SKIC3: variants seen among roughly 807,000 people sequenced by gnomAD.
SKIC3 encodes the protein superkiller complex protein 3.
chr5:95,522,858 G>A, the SKIC3 span, among the ~76,000 whole-genome samples: 1 of 152,068 alleles, frequency 6.6e-6, no homozygotes, highest in Non-Finnish European at 1.5e-5. Context: ...TGCTCCCAAT[G>A]CCCTTTAAGC....
chr5:95,495,212 T>C, the SKIC3 span: 4 of 575,334 alleles, frequency 7.0e-6, no homozygotes, highest in Middle Eastern at 1.4e-3. Flanking sequence ...AAAGGAAATC[T>C]TTTCTACTGT....
At chr5:95,479,756 T>G in the SKIC3 span, among the ~76,000 whole-genome samples, 5 of 151,416 alleles carry the variant, frequency 3.3e-5, no homozygotes, top group Non-Finnish European at 7.4e-5. Context: ...CTACTAAGGG[T>G]GTTGGGACAT....
chr5:95,478,200 T>C, the SKIC3 span: 2 of 1,455,784 alleles, frequency 1.4e-6, no homozygotes, highest in South Asian at 2.5e-5. Context: ...CAACAGGACT[T>C]CAATTGAATA....
At chr5:95,550,797 TA>T in the SKIC3 span, 4 of 152,372 alleles carry the variant, frequency 2.6e-5, no homozygotes, top group African/African-American at 9.7e-5. Context: ...TTAGTATTTT[TA>T]TTCTTTCCCA....
chr5:95,517,312 G>A, the SKIC3 span: 540 of 1,612,742 alleles, frequency 3.3e-4, 1 homozygote, highest in South Asian at 4.9e-4. Context: ...TCAGCTCGAT[G>A]CTGTAGAGCA....
At chr5:95,539,843 C>CAAAAAAAAAAAAAAAAAAA in the SKIC3 span, among the ~76,000 whole-genome samples, 2 of 107,684 alleles carry the variant, frequency 1.9e-5, no homozygotes, top group African/African-American at 3.6e-5. Flanking sequence ...CACTCTGCCT[C>CAAAAAAAAAAAAAAAAAAA]AAAAAAAAAA....
the SKIC3 span, among the ~76,000 whole-genome samples, chr5:95,539,187 C>T: frequency 6.6e-6 from 1 of 152,018 alleles, no homozygotes; most frequent in African/African-American, 2.4e-5. Context: ...CATTGAATGT[C>T]CTATTTCCAA....
the SKIC3 span, among the ~76,000 whole-genome samples, chr5:95,466,540 G>A: frequency 6.6e-6 from 1 of 152,170 alleles, no homozygotes; most frequent in Non-Finnish European, 1.5e-5. Flanking sequence ...CTCTGAAGAT[G>A]AGAAACTCTG....
the SKIC3 span, among the ~76,000 whole-genome samples, chr5:95,489,095 C>A: frequency 6.6e-6 from 1 of 152,086 alleles, no homozygotes; most frequent in Non-Finnish European, 1.5e-5. Flanking sequence ...AACAGGAGGA[C>A]TGCTTGAGCC....
At chr5:95,512,144 T>G in the SKIC3 span, among the ~76,000 whole-genome samples, 1 of 152,152 alleles carries the variant, frequency 6.6e-6, no homozygotes, top group Non-Finnish European at 1.5e-5. Context: ...ACACTTGGCC[T>G]AAGACTGCAG....
chr5:95,519,274 T>C, the SKIC3 span, among the ~76,000 whole-genome samples: 2 of 152,006 alleles, frequency 1.3e-5, no homozygotes, highest in African/African-American at 2.4e-5. Context: ...CGAGATCTTA[T>C]AAATAACACA....
chr5:95,521,906 A>C, the SKIC3 span: 1 of 883,642 alleles, frequency 1.1e-6, no homozygotes, highest in Non-Finnish European at 1.7e-6. Flanking sequence ...AATTTATATA[A>C]GCTATACTGT....
the SKIC3 span, among the ~76,000 whole-genome samples, chr5:95,492,652 G>GAAAAAAAAAAAAAAAAAAAAAAAAA: frequency 4.3e-4 from 21 of 48,838 alleles, 6 homozygotes; most frequent in African/African-American, 1.0e-3. Context: ...AAAAAAAAAA[G>GAAAAAAAAAAAAAAAAAAAAAAAAA]AAAAAAAAAA....
At chr5:95,500,238 A>C in the SKIC3 span, among the ~76,000 whole-genome samples, 147 of 152,328 alleles carry the variant, frequency 9.7e-4, no homozygotes, top group African/African-American at 2.0e-3. Flanking sequence ...GTATTCTCCA[A>C]AGCGGAAATT....
At chr5:95,532,773 G>A in the SKIC3 span, among the ~76,000 whole-genome samples, 2 of 152,022 alleles carry the variant, frequency 1.3e-5, no homozygotes, top group Non-Finnish European at 2.9e-5. Context: ...GCCAGATTTG[G>A]GGCTGATGAA....
At chr5:95,489,106 T>C in the SKIC3 span, among the ~76,000 whole-genome samples, 1 of 152,022 alleles carries the variant, frequency 6.6e-6, no homozygotes, top group South Asian at 2.1e-4. Context: ...TGCTTGAGCC[T>C]AGGAGTTTGA....
chr5:95,490,834 C>A, the SKIC3 span: 13 of 1,580,818 alleles, frequency 8.2e-6, no homozygotes, highest in African/African-American at 1.4e-5. Context: ...TATGCTGAAG[C>A]CGTTTGTATT....
the SKIC3 span, chr5:95,541,408 C>A: frequency 5.6e-6 from 9 of 1,598,592 alleles, no homozygotes; most frequent in South Asian, 9.9e-5. Flanking sequence ...CACACACACA[C>A]AAAAGGATTT....
At chr5:95,553,300 C>T in the SKIC3 span, among the ~76,000 whole-genome samples, 1 of 152,124 alleles carries the variant, frequency 6.6e-6, no homozygotes, top group African/African-American at 2.4e-5. Flanking sequence ...CCTGTGGAAA[C>T]AAGGCTGTAG....
Sources: allele counts gnomAD v4.1 joint callset (sites outside exome capture counted in the v4.1 genomes callset), GRCh38; gene constraint gnomAD v4.1.1; transcripts MANE v1.5; gene names NCBI Gene and HGNC (gene_info 2026-07-23, HGNC 2026-07-21).